The following APBB1IP variants were observed in gnomAD, a reference collection of about 807,000 sequenced individuals.
APBB1IP encodes the protein amyloid beta precursor protein binding family B member 1 interacting protein.
Under a neutral mutation model 64.9 loss-of-function variants are expected in APBB1IP, and 27 were observed. The ratio of observed to expected loss-of-function variants is 0.42; its 90% CI spans 0.31 to 0.57. The LOEUF is 0.57. APBB1IP is among the 20% of genes least tolerant of loss of function. The probability of loss-of-function intolerance (pLI) is 0.20; values close to 1 mark genes in which losing one functional copy is unlikely to be tolerated. For synonymous variants in APBB1IP, 392 were observed against 331.0 expected (o/e 1.18, Z -2.00); for missense variants, 812 against 845.5 (o/e 0.96, Z 0.49).
chr10:26,469,091 C>A (rs1342540594), intron 2 of APBB1IP, among the ~76,000 whole-genome samples: 3 of 128,782 alleles, frequency 2.3e-5, no homozygotes, highest in Admixed American at 1.7e-4. Flanking sequence ...TCCTTTTCTT[C>A]TTCTTTTTTT....
chr10:26,455,620 TAC>T (rs1480950481), intron 2 of APBB1IP, among the ~76,000 whole-genome samples: 1 of 152,118 alleles, frequency 6.6e-6, no homozygotes, highest in Non-Finnish European at 1.5e-5. Flanking sequence ...ACATATAAAA[TAC>T]ATACACTTCC....
In APBB1IP at chr10:26,523,026, A is replaced by C. The variant is rs553689673; in HGVS notation, c.813+9366A>C. Among the ~76,000 whole-genome samples the C allele has an allele frequency of 1.1e-4, 17 of 151,698 alleles. No individual in the cohort carries two copies. In the South Asian group the frequency reaches 2.5e-3, roughly 22 times the overall value. On this transcript the variant is annotated intron_variant, in intron 8 of 14. Coordinates refer to ENST00000376236, the MANE Select transcript of APBB1IP (RefSeq NM_019043.4). The stretch of plus-strand genomic sequence containing the variant: ...CTCCATCTCCAAAAAAAAAAAAAAA[A>C]AAAAAACCAAGAAAAAAACAATGGG...
At chr10:26,463,472 G>A (rs772179093) in intron 2 of APBB1IP, among the ~76,000 whole-genome samples, 8 of 152,086 alleles carry the variant, frequency 5.3e-5, no homozygotes, top group Non-Finnish European at 1.2e-4. Flanking sequence ...AACTTCACTG[G>A]AATGTGGAAA....
At chr10:26,445,209 C>T (rs771428286) in intron 2 of APBB1IP, among the ~76,000 whole-genome samples, 1 of 151,030 alleles carries the variant, frequency 6.6e-6, no homozygotes, top group Non-Finnish European at 1.5e-5. Flanking sequence ...GGACATAAAA[C>T]AAAGTCTTTG....
rs73594362 is a variant in APBB1IP at position 26,457,049 on chromosome 10, T to A, written c.-1+18196T>A. On this transcript the variant is annotated intron_variant, in intron 2 of 14. Transcript: ENST00000376236. ...GCTATAGGTCAAGATAAATGTAGGC[T>A]GGTTTTTTGGGTGTTTGTTTCTTTA... is the stretch of plus-strand genomic sequence containing the variant. Among the ~76,000 whole-genome samples the A allele has an allele frequency of 3.7e-3, 559 of 152,270 alleles. 3 individuals are homozygous for A. Among genetic ancestry groups the A allele is most frequent in the African/African-American group, 0.012 (511 of 41,562 alleles).
intron 8 of APBB1IP, among the ~76,000 whole-genome samples, chr10:26,521,420 A>T (rs532058867): frequency 7.1e-4 from 108 of 152,326 alleles, no homozygotes; most frequent in African/African-American, 2.3e-3. Context: ...CAGGCCTCCC[A>T]GGGACTGGTG....
Position 26,567,416 on chromosome 10 carries a change from A to G in APBB1IP, c.1929A>G (p.Ala643=). 1.2e-6 allele frequency: 2 copies of G among 1,604,704 alleles called. No homozygotes were observed. The highest frequency in any genetic ancestry group is 1.7e-6 in the Non-Finnish European group (2 of 1,173,990). ...AGAACCCAGGGCACCCCGGCGGAGC[A>G]GGAGGCGGGGAGCAAGATTTCATGT... ...RQENPGHPGG[A]GGGEQDFMSD... is the part of the protein sequence containing the mutation. Residue 643 remains alanine, a synonymous_variant, in exon 15 of 15, where the codon GCA becomes GCG. Coordinates refer to ENST00000376236, the MANE Select transcript of APBB1IP (RefSeq NM_019043.4).
chr10:26,541,026 G>A (rs1836689951), intron 10 of APBB1IP, among the ~76,000 whole-genome samples: 1 of 151,238 alleles, frequency 6.6e-6, no homozygotes, highest in African/African-American at 2.4e-5. Flanking sequence ...CGGTCACCTT[G>A]TCTCGACTGC....
intron 2 of APBB1IP, among the ~76,000 whole-genome samples, chr10:26,467,725 G>T (rs972858761): frequency 2.2e-4 from 33 of 152,262 alleles, no homozygotes; most frequent in African/African-American, 7.7e-4. Context: ...GTGGGGCCAA[G>T]AATTTTTATT....
intron 4 of APBB1IP, among the ~76,000 whole-genome samples, chr10:26,497,122 A>G (rs1836035232): frequency 6.6e-6 from 1 of 151,736 alleles, no homozygotes; most frequent in African/African-American, 2.4e-5. Context: ...GGCTGCACTG[A>G]GCTGTGTTTC....
At chr10:26,457,574 T>C (rs1252239730) in intron 2 of APBB1IP, among the ~76,000 whole-genome samples, 4 of 152,232 alleles carry the variant, frequency 2.6e-5, no homozygotes, top group East Asian at 3.8e-4. Flanking sequence ...GTTCCCAAGA[T>C]AACATCTGGC....
At chr10:26,463,678 G>A (rs1006043578) in intron 2 of APBB1IP, among the ~76,000 whole-genome samples, 3 of 152,122 alleles carry the variant, frequency 2.0e-5, no homozygotes, top group Non-Finnish European at 4.4e-5. Context: ...TGTAGACTGG[G>A]GGTGATTATG....
Position 26,438,430 on chromosome 10 carries a change from C to A in APBB1IP, c.-228C>A, listed in dbSNP as rs1835302129. ...TGGTTCCATTCGCCAGGAGACGCTCCTGAGAGAAGGGCGCGCGCGGCACAG... is the reference window on the plus strand; with the variant it reads ...TGGTTCCATTCGCCAGGAGACGCTCATGAGAGAAGGGCGCGCGCGGCACAG... On this transcript the variant is annotated 5_prime_UTR_variant, in exon 1 of 15. In the 5' UTR this introduces an upstream ATG that the reference lacks. Transcript: ENST00000376236. The A allele has an allele frequency of 6.6e-6, 1 of 151,800 alleles. No individual in the cohort carries two copies. The highest frequency in any genetic ancestry group is 2.4e-5 in the African/African-American group (1 of 41,258). 9.4% of individuals were successfully genotyped at this position (151,800 alleles called of 1,614,324 possible). A position where few individuals can be genotyped will look rare whatever the true frequency, so the allele number is the denominator to read the frequency against.
chr10:26,472,401 T>C (rs1835728933), intron 2 of APBB1IP, among the ~76,000 whole-genome samples: 1 of 152,176 alleles, frequency 6.6e-6, no homozygotes, highest in Non-Finnish European at 1.5e-5. Flanking sequence ...GGACCCACCT[T>C]CTCCTCATGT....
chr10:26,536,119 G>A lies in APBB1IP; in HGVS notation c.946G>A (p.Ala316Thr), dbSNP rs747975446. Residue 316 changes from alanine (A) to threonine (T), a missense_variant, in exon 10 of 15, where the codon GCT becomes ACT. Physicochemically the swap from Ala to Thr is moderately conservative, Grantham distance 58 (BLOSUM62 0). Coordinates refer to ENST00000376236, the MANE Select transcript of APBB1IP (RefSeq NM_019043.4). The stretch of plus-strand genomic sequence containing the variant: ...TATCATTGTACCAGAACTGGAAGGA[G>A]CTCTTTATTTGAAAGAAGATGGAAA... ...TSIIVPELEG[A>T]LYLKEDGKKS... 1.9e-6 allele frequency: 3 copies of A among 1,606,934 alleles called. No homozygotes were observed. The highest frequency in any genetic ancestry group is 1.7e-6 in the Non-Finnish European group (2 of 1,177,452).
At chr10:26,491,523 T>G (rs1835954745) in intron 2 of APBB1IP, among the ~76,000 whole-genome samples, 1 of 152,162 alleles carries the variant, frequency 6.6e-6, no homozygotes, top group Non-Finnish European at 1.5e-5. Context: ...GTCGCAAACT[T>G]TTCCTCTTCT....
chr10:26,512,368 A>C (rs1274721421), intron 7 of APBB1IP, among the ~76,000 whole-genome samples: 4 of 152,058 alleles, frequency 2.6e-5, no homozygotes, highest in African/African-American at 9.7e-5. Flanking sequence ...GTGGCAGGAG[A>C]GCCTGGGTAT....
chr10:26,549,660 G>A (rs1056997417), intron 11 of APBB1IP, among the ~76,000 whole-genome samples: 1 of 151,684 alleles, frequency 6.6e-6, no homozygotes, highest in Non-Finnish European at 1.5e-5. Context: ...CAGTTGTAAT[G>A]TCTTTCTTTT....
intron 2 of APBB1IP, among the ~76,000 whole-genome samples, chr10:26,479,698 G>A (rs892078078): frequency 1.3e-5 from 2 of 152,064 alleles, no homozygotes; most frequent in African/African-American, 4.8e-5. Context: ...TTTTTGCTAC[G>A]CTTTTGGCTG....
Sources: allele counts gnomAD v4.1 joint callset (sites outside exome capture counted in the v4.1 genomes callset), GRCh38; gene constraint gnomAD v4.1.1; transcripts MANE v1.5; gene names NCBI Gene and HGNC (gene_info 2026-07-23, HGNC 2026-07-21).